ATXN7L1: variants seen among roughly 807,000 people sequenced by gnomAD.
ATXN7L1 encodes ataxin 7 like 1.
In ATXN7L1, 15 loss-of-function variants were observed where a neutral mutation model predicts 70.8. The observed-to-expected ratio is 0.21, with a 90% CI of 0.14 to 0.33. The LOEUF (loss-of-function observed/expected upper bound fraction) is 0.33, where lower values mean the gene tolerates loss of function less well. Ranked by LOEUF, ATXN7L1 falls within the 10% of genes least tolerant of loss-of-function variation. The probability of loss-of-function intolerance (pLI) is 1.00; values close to 1 mark genes in which losing one functional copy is unlikely to be tolerated. For missense variants in ATXN7L1, 975 were observed against 1,097.1 expected (o/e 0.89, Z 1.57); for synonymous variants, 440 against 445.1 (o/e 0.99, Z 0.14).
intron 2 of ATXN7L1, among the ~76,000 whole-genome samples, chr7:105,793,358 C>T: frequency 6.6e-6 from 1 of 152,176 alleles, no homozygotes; most frequent in Middle Eastern, 3.2e-3. Context: ...CACTGCTTGG[C>T]CTTGTACCTT....
Position 105,744,382 on chromosome 7 carries a change from A to G in ATXN7L1, c.355+44222T>C, listed in dbSNP as rs188050212. 2.7e-3 allele frequency among the ~76,000 whole-genome samples: 405 copies of G among 152,140 alleles called. 1 individual carries two copies. The highest frequency in any genetic ancestry group is 9.5e-3 in the African/African-American group (394 of 41,474). ...AGTCCCTTATCTTGCCCAAGAGCTT[A>G]GAGTATATTTAACATGCTCTGTGCC... On this transcript the variant is annotated intron_variant, in intron 3 of 11. Coordinates refer to ENST00000419735, the MANE Select transcript of ATXN7L1 (RefSeq NM_020725.2).
chr7:105,746,321 T>G (rs1261329735), intron 3 of ATXN7L1, among the ~76,000 whole-genome samples: 2 of 152,200 alleles, frequency 1.3e-5, no homozygotes, highest in African/African-American at 4.8e-5. Context: ...TCTGTGTCAC[T>G]TATAATAAAA....
intron 3 of ATXN7L1, among the ~76,000 whole-genome samples, chr7:105,737,568 T>TGTGTGTG (rs751658667): frequency 4.9e-5 from 7 of 144,324 alleles, no homozygotes; most frequent in Admixed American, 1.4e-4. Flanking sequence ...TGTGTGTGTG[T>TGTGTGTG]TAAGAATTAG....
chr7:105,668,242 CTTT>C (rs940443444), intron 3 of ATXN7L1, among the ~76,000 whole-genome samples: 3 of 151,792 alleles, frequency 2.0e-5, no homozygotes, highest in Non-Finnish European at 2.9e-5. Context: ...CAGAAAAAAC[CTTT>C]TTTTTGAGAC....
At chr7:105,863,705 C>T (rs1280585121) in intron 2 of ATXN7L1, among the ~76,000 whole-genome samples, 1 of 152,178 alleles carries the variant, frequency 6.6e-6, no homozygotes, top group African/African-American at 2.4e-5. Context: ...CTTGACCTCT[C>T]TGAGCCTCAG....
chr7:105,864,275 G>C (rs1310898203), intron 2 of ATXN7L1, among the ~76,000 whole-genome samples: 1 of 149,396 alleles, frequency 6.7e-6, no homozygotes, highest in East Asian at 2.0e-4. Flanking sequence ...GGGGAATATA[G>C]CAAGACCTTG....
chr7:105,626,583 T>C (rs939345244), intron 7 of ATXN7L1, among the ~76,000 whole-genome samples: 3 of 152,228 alleles, frequency 2.0e-5, no homozygotes, highest in Non-Finnish European at 4.4e-5. Flanking sequence ...GACTATCACC[T>C]TCCTGTACTA....
At chr7:105,818,023 G>T (rs1006354308) in intron 2 of ATXN7L1, among the ~76,000 whole-genome samples, 1 of 152,240 alleles carries the variant, frequency 6.6e-6, no homozygotes, top group East Asian at 1.9e-4. Flanking sequence ...TCCAAATAAG[G>T]AGTTAAAAAT....
At chr7:105,734,673 T>C (rs974829613) in intron 3 of ATXN7L1, among the ~76,000 whole-genome samples, 1 of 151,972 alleles carries the variant, frequency 6.6e-6, no homozygotes, top group African/African-American at 2.4e-5. Flanking sequence ...CTTTGGAGTT[T>C]CTTACGTGAT....
intron 2 of ATXN7L1, among the ~76,000 whole-genome samples, chr7:105,810,753 T>C (rs576934090): frequency 1.1e-4 from 16 of 152,336 alleles, no homozygotes; most frequent in African/African-American, 3.8e-4. Context: ...GCGGAAAGGC[T>C]GTGCCAGTGA....
chr7:105,870,689 T>C (rs1161505119), intron 2 of ATXN7L1, among the ~76,000 whole-genome samples: 2 of 152,228 alleles, frequency 1.3e-5, no homozygotes, highest in African/African-American at 4.8e-5. Flanking sequence ...ACTGAGAGCT[T>C]TTCCCTAATT....
In ATXN7L1 at chr7:105,819,857, C is replaced by G. The variant is rs748277581; in HGVS notation, c.251-31149G>C. ...AAAAAGCGGATGGTGGTTCCTGCTGCCCTCAAGGTCATGCATCTGAAGCCT... is the reference window on the plus strand; with the variant it reads ...AAAAAGCGGATGGTGGTTCCTGCTGGCCTCAAGGTCATGCATCTGAAGCCT... On this transcript the variant is annotated intron_variant, in intron 2 of 11. Transcript: ENST00000419735. 6.8e-5 allele frequency: 41 copies of G among 603,306 alleles called. No individual in the cohort carries two copies. In the African/African-American group the frequency reaches 7.4e-4, roughly 11 times the overall value. The allele number at this position is 603,306 out of a possible 1,614,324, so 37.4% of individuals were successfully genotyped here. A position where few individuals can be genotyped will look rare whatever the true frequency, so the allele number is the denominator to read the frequency against.
intron 3 of ATXN7L1, among the ~76,000 whole-genome samples, chr7:105,696,408 C>T (rs1398021242): frequency 1.3e-5 from 2 of 152,194 alleles, no homozygotes; most frequent in African/African-American, 2.4e-5. Context: ...GCTTGCAAGA[C>T]ATAAAGTGAG....
At chr7:105,792,570 C>T (rs550955379) in intron 2 of ATXN7L1, among the ~76,000 whole-genome samples, 1 of 152,330 alleles carries the variant, frequency 6.6e-6, no homozygotes, top group African/African-American at 2.4e-5. Flanking sequence ...CTTTCCTTCC[C>T]TCTCTCTCTA....
chr7:105,795,685 A>T (rs546923083), intron 2 of ATXN7L1, among the ~76,000 whole-genome samples: 2 of 152,350 alleles, frequency 1.3e-5, no homozygotes, highest in East Asian at 3.9e-4. Flanking sequence ...CAAGAAGCAG[A>T]CACTACTTTG....
chr7:105,652,540 A>AG (rs1584525012), intron 4 of ATXN7L1, among the ~76,000 whole-genome samples: 2 of 152,278 alleles, frequency 1.3e-5, no homozygotes, highest in East Asian at 3.9e-4. Flanking sequence ...CAGCCACCAG[A>AG]GGTCATTGGT....
chr7:105,719,036 G>A (rs540821569), intron 3 of ATXN7L1, among the ~76,000 whole-genome samples: 16 of 152,260 alleles, frequency 1.1e-4, no homozygotes, highest in African/African-American at 2.9e-4. Context: ...AGCAAGACTA[G>A]GAAACAGACC....
chr7:105,736,015 AAGAC>A (rs1408145097), intron 3 of ATXN7L1, among the ~76,000 whole-genome samples: 1 of 152,240 alleles, frequency 6.6e-6, no homozygotes, highest in Non-Finnish European at 1.5e-5. Context: ...ACTGGGGCTG[AAGAC>A]AGACAGTAAA....
At chr7:105,721,192 C>T (rs2116300629) in intron 3 of ATXN7L1, among the ~76,000 whole-genome samples, 1 of 152,282 alleles carries the variant, frequency 6.6e-6, no homozygotes, top group East Asian at 1.9e-4. Context: ...CCTCTCTCAG[C>T]TGGCACAGGA....
Sources: allele counts gnomAD v4.1 joint callset (sites outside exome capture counted in the v4.1 genomes callset), GRCh38; gene constraint gnomAD v4.1.1; transcripts MANE v1.5; gene names NCBI Gene and HGNC (gene_info 2026-07-23, HGNC 2026-07-21).